STX18: variants seen among roughly 807,000 people sequenced by gnomAD.
The protein encoded by STX18 is syntaxin-18.
Under a neutral mutation model 50.1 loss-of-function variants are expected in STX18, and 40 were observed. The ratio of observed to expected loss-of-function variants is 0.80; its 90% confidence interval spans 0.62 to 1.04. The LOEUF is 1.04. Ranked by LOEUF, STX18 falls within the 50% of genes least tolerant of loss-of-function variation. STX18 has a pLI of 0.00. For synonymous variants in STX18, 158 were observed against 151.8 expected (o/e 1.04, Z -0.30); for missense variants, 410 against 415.8 (o/e 0.99, Z 0.12).
Position 4,458,797 on chromosome 4 carries a change from G to A in STX18, c.352+575C>T, listed in dbSNP as rs1727214286. 2.6e-5 allele frequency among the ~76,000 whole-genome samples: 4 copies of A among 152,174 alleles called. No homozygotes were observed. In the South Asian group the frequency reaches 8.3e-4, roughly 32 times the overall value. ...TTCATAGACAAAAAAACAAGGCCCA[G>A]GGAGATTAAGTGATTTGCAGAGGGC... On this transcript the variant is annotated intron_variant, in intron 3 of 10. Coordinates refer to ENST00000306200, the MANE Select transcript of STX18 (RefSeq NM_016930.4).
At chr4:4,504,050 C>T (rs984954102) in intron 1 of STX18, among the ~76,000 whole-genome samples, 1 of 152,082 alleles carries the variant, frequency 6.6e-6, no homozygotes, top group African/African-American at 2.4e-5. Context: ...CTGACTTACA[C>T]ATCTGGTAGG....
chr4:4,440,340 A>T (rs1726041890), intron 5 of STX18, among the ~76,000 whole-genome samples: 1 of 152,230 alleles, frequency 6.6e-6, no homozygotes, highest in Admixed American at 6.5e-5. Context: ...TATCCCCATC[A>T]GGTAGGTACT....
intron 1 of STX18, among the ~76,000 whole-genome samples, chr4:4,486,157 T>A (rs568554733): frequency 2.3e-4 from 35 of 152,302 alleles, no homozygotes; most frequent in Non-Finnish European, 4.4e-4. Context: ...AATTCCAAGA[T>A]AATTTTTGGG....
chr4:4,533,516 G>A (rs116701238), intron 1 of STX18, among the ~76,000 whole-genome samples: 2,441 of 152,320 alleles, frequency 0.016, 70 homozygotes, highest in African/African-American at 0.055. Flanking sequence ...TATAGCAGAA[G>A]CTCAAAAATG....
intron 5 of STX18, among the ~76,000 whole-genome samples, chr4:4,454,653 T>A (rs187544493): frequency 1.1e-3 from 170 of 152,310 alleles, no homozygotes; most frequent in Non-Finnish European, 1.9e-3. Flanking sequence ...TCTGGACTGC[T>A]TTCTATCTCT....
chr4:4,457,529 C>G (rs190759970), intron 3 of STX18, 29 bp from the exon 4 acceptor site: 1 of 1,555,352 alleles, frequency 6.4e-7, no homozygotes, highest in African/African-American at 1.4e-5. Flanking sequence ...ATGTTCAGGC[C>G]TTCGCACTCA....
intron 1 of STX18, among the ~76,000 whole-genome samples, chr4:4,533,269 C>G (rs1392120617): frequency 1.3e-5 from 2 of 152,212 alleles, no homozygotes; most frequent in Non-Finnish European, 2.9e-5. Flanking sequence ...GGTTTTCATA[C>G]CATAAGCCAT....
intron 1 of STX18, among the ~76,000 whole-genome samples, chr4:4,501,416 A>T (rs1400524626): frequency 6.6e-6 from 1 of 152,194 alleles, no homozygotes; most frequent in Non-Finnish European, 1.5e-5. Context: ...GCATTTTAAA[A>T]ACAGTAAACA....
intron 1 of STX18, among the ~76,000 whole-genome samples, chr4:4,479,666 A>G (rs1728360953): frequency 6.6e-6 from 1 of 152,222 alleles, no homozygotes; most frequent in African/African-American, 2.4e-5. Flanking sequence ...AACTAGCTAT[A>G]TTTTAATGAC....
chr4:4,530,968 T>C (rs1731064097), intron 1 of STX18, among the ~76,000 whole-genome samples: 1 of 152,200 alleles, frequency 6.6e-6, no homozygotes, highest in Non-Finnish European at 1.5e-5. Context: ...TCATCTTCAT[T>C]TTCTTCAGTT....
At chr4:4,443,913 G>A (rs1470516320) in intron 5 of STX18, among the ~76,000 whole-genome samples, 1 of 152,256 alleles carries the variant, frequency 6.6e-6, no homozygotes, top group East Asian at 1.9e-4. Context: ...GGTTTGTGGT[G>A]TTCAAATTCT....
intron 1 of STX18, among the ~76,000 whole-genome samples, chr4:4,489,527 GGCATGA>G (rs976185733): frequency 6.8e-6 from 1 of 147,120 alleles, no homozygotes; most frequent in African/African-American, 2.5e-5. Context: ...TGGGATTATA[GGCATGA>G]GCCACCACAC....
At chr4:4,532,855 A>G (rs1018548386) in intron 1 of STX18, among the ~76,000 whole-genome samples, 27 of 152,250 alleles carry the variant, frequency 1.8e-4, no homozygotes, top group African/African-American at 6.5e-4. Context: ...GTCCAAGAAA[A>G]GGCAAGTGTT....
At chr4:4,428,641 G>C (rs1222116511) in intron 7 of STX18, among the ~76,000 whole-genome samples, 1 of 152,106 alleles carries the variant, frequency 6.6e-6, no homozygotes, top group Non-Finnish European at 1.5e-5. Context: ...AGTCCTAGAG[G>C]CCTGCTGTGG....
chr4:4,461,520 C>A (rs902543812), intron 2 of STX18, among the ~76,000 whole-genome samples: 2 of 152,208 alleles, frequency 1.3e-5, no homozygotes, highest in Non-Finnish European at 2.9e-5. Flanking sequence ...GTCAAACTAA[C>A]AAAGCCTCAT....
chr4:4,448,239 C>T (rs1054936099), intron 5 of STX18, among the ~76,000 whole-genome samples: 2 of 152,240 alleles, frequency 1.3e-5, no homozygotes, highest in African/African-American at 4.8e-5. Context: ...CACTGGTTTA[C>T]TGACTGCCTT....
At chr4:4,421,618 G>A (rs907414929) in intron 9 of STX18, among the ~76,000 whole-genome samples, 1 of 152,134 alleles carries the variant, frequency 6.6e-6, no homozygotes, top group Non-Finnish European at 1.5e-5. Flanking sequence ...GCCACTCGCC[G>A]GTGACGGACA....
intron 1 of STX18, among the ~76,000 whole-genome samples, chr4:4,531,710 G>C (rs941677194): frequency 4.6e-5 from 7 of 152,164 alleles, no homozygotes; most frequent in African/African-American, 1.7e-4. Context: ...TTCCTAAGTA[G>C]ACTGCCTCTA....
At chr4:4,473,072 C>T (rs1728002200) in intron 1 of STX18, among the ~76,000 whole-genome samples, 1 of 152,202 alleles carries the variant, frequency 6.6e-6, no homozygotes, top group Non-Finnish European at 1.5e-5. Flanking sequence ...GCCTATTTCT[C>T]TTCCCAACAA....
Sources: allele counts gnomAD v4.1 joint callset (sites outside exome capture counted in the v4.1 genomes callset), GRCh38; gene constraint gnomAD v4.1.1; transcripts MANE v1.5; gene names NCBI Gene and HGNC (gene_info 2026-07-23, HGNC 2026-07-21).